Variants in TAP2 observed in about 807,000 individuals in gnomAD.
The protein encoded by TAP2 is antigen peptide transporter 2.
TAP2 carries 49 observed loss-of-function variants against 74.7 expected under a neutral mutation model. The ratio of observed to expected loss-of-function variants is 0.66; its 90% CI spans 0.52 to 0.83. The LOEUF (loss-of-function observed/expected upper bound fraction) is 0.83, where lower values mean the gene tolerates loss of function less well. TAP2 is among the 40% of genes least tolerant of loss of function. The probability of loss-of-function intolerance (pLI) is 0.00; values close to 1 mark genes in which losing one functional copy is unlikely to be tolerated. For synonymous variants in TAP2, 306 were observed against 368.4 expected, an observed-to-expected ratio of 0.83 and a Z score of 1.94; for missense variants, 739 against 859.0, an observed-to-expected ratio of 0.86 and a Z score of 1.75.
rs370591685 is a variant in TAP2, at chr6:32,832,776, C to T, written c.994G>A (p.Val332Met). ...QDAVARAGQV[V>M]REAVGGLQTV... ...TGCAGCCCTCCAACGGCTTCCCGCACCACCTGCCCCGCCCTGGCCACTGCA... is the reference window on the plus strand; with the variant it reads ...TGCAGCCCTCCAACGGCTTCCCGCATCACCTGCCCCGCCCTGGCCACTGCA... Residue 332 changes from valine (V) to methionine (M), a missense_variant, in exon 6 of 12, where the codon GTG becomes ATG. Physicochemically the swap from Val to Met is conservative, Grantham distance 21. Coordinates refer to ENST00000374897, the MANE Select transcript of TAP2 (RefSeq NM_001290043.2). The surrounding 1 kb of genome is among the most constrained non-coding windows in gnomAD (Gnocchi z 5.9). The T allele has an allele frequency of 1.2e-5, 20 of 1,612,946 alleles. No homozygotes were observed. The South Asian group carries it at 1.3e-4, about 11-fold the overall frequency.
At chr6:32,838,390 C>A (rs1769584929) in intron 1 of TAP2, 153 bp from the exon 2 acceptor site, 1 of 646,138 alleles carries the variant, frequency 1.5e-6, no homozygotes, top group African/African-American at 2.0e-5. Context: ...GGTGCTCATC[C>A]GTACACCCCT....
intron 3 of TAP2, among the ~76,000 whole-genome samples, chr6:32,836,580 C>T (rs182167789): frequency 6.6e-6 from 1 of 152,178 alleles, no homozygotes; most frequent in Non-Finnish European, 1.5e-5. Flanking sequence ...GCCTACTGCA[C>T]ACCTAGGCCA....
At chr6:32,823,218 C>A (rs1768418695), downstream of TAP2, among the ~76,000 whole-genome samples, 1 of 152,030 alleles carries the variant, frequency 6.6e-6, no homozygotes, top group Non-Finnish European at 1.5e-5. Context: ...CCAGGCCCAG[C>A]CTATTTTTTT....
chr6:32,836,901 G>A (rs1429337658), intron 3 of TAP2, among the ~76,000 whole-genome samples: 2 of 152,144 alleles, frequency 1.3e-5, no homozygotes, highest in African/African-American at 4.8e-5. Flanking sequence ...CAATCAGGCC[G>A]GCTGGGATTT....
chr6:32,833,200 C>T (rs1769203525), intron 5 of TAP2, among the ~76,000 whole-genome samples: 1 of 152,134 alleles, frequency 6.6e-6, no homozygotes, highest in Admixed American at 6.5e-5. Flanking sequence ...CACTATAAAA[C>T]TCCTAGGAAA....
chr6:32,828,675 G>GCC lies in TAP2; in HGVS notation c.*229_*230dup, dbSNP rs374665707. ...GAATTAAGTTTCCTGGACACAGACAGCCCCCACCCCACCCCACCCCACCTC... is the reference window on the plus strand; with the variant it reads ...GAATTAAGTTTCCTGGACACAGACAGCCCCCCCACCCCACCCCACCCCACCTC... On this transcript the variant is annotated 3_prime_UTR_variant, in exon 12 of 12. Transcript: ENST00000374897. The GCC allele has an allele frequency of 9.0e-6, 8 of 884,266 alleles. No homozygotes were observed. The highest frequency in any genetic ancestry group is 1.1e-5 in the Non-Finnish European group (8 of 735,226). 54.8% of individuals were successfully genotyped at this position (884,266 alleles called of 1,614,324 possible).
chr6:32,834,272 G>C (rs981738883), intron 5 of TAP2, among the ~76,000 whole-genome samples: 4 of 152,350 alleles, frequency 2.6e-5, no homozygotes, highest in Non-Finnish European at 5.9e-5. Context: ...ATCAAAATGT[G>C]ATATATGCAC....
In TAP2 at chr6:32,832,145, A is replaced by G; in HGVS notation, c.1272+188T>C. The G allele has an allele frequency of 1.3e-6, 1 of 769,262 alleles. No homozygotes were observed. The highest frequency in any genetic ancestry group is 3.8e-4 in the Middle Eastern group (1 of 2,642). The allele number at this position is 769,262 out of a possible 1,614,324, so 47.7% of individuals were successfully genotyped here. ...TGATCATTGTTAAAGCACAGGATGTATACATGTGAGTTTGTAATATTATTT... is the reference window on the plus strand; with the variant it reads ...TGATCATTGTTAAAGCACAGGATGTGTACATGTGAGTTTGTAATATTATTT... On this transcript the variant is annotated intron_variant, in intron 7 of 11. Transcript: ENST00000374897. This position sits in a 1 kb window ranked among gnomAD's most constrained non-coding sequence, Gnocchi z 5.9.
Position 32,838,109 on chromosome 6 carries a change from C to T in TAP2, c.125G>A (p.Gly42Glu). 1 of 1,611,556 alleles carries T rather than the reference C, an allele frequency of 6.2e-7. No homozygotes were observed. Among genetic ancestry groups the T allele is most frequent in the Non-Finnish European group, 8.5e-7 (1 of 1,179,366 alleles). ...PQGLPGLWLE[G>E]TLRLGGLWGL... ...CCACAGCCCTCCCAGCCGCAGGGTC[C>T]CCTCCAGCCATAGTCCTGGCAGCCC... Residue 42 changes from glycine to glutamate, a missense_variant, in exon 2 of 12, where the codon GGG becomes GAG. By Grantham distance (98) the Gly-to-Glu change is moderately conservative. Coordinates refer to ENST00000374897, the MANE Select transcript of TAP2 (RefSeq NM_001290043.2).
intron 5 of TAP2, among the ~76,000 whole-genome samples, chr6:32,834,017 T>C (rs1769256106): frequency 6.6e-6 from 1 of 152,260 alleles, no homozygotes; most frequent in African/African-American, 2.4e-5. Context: ...TAAACCTCTT[T>C]CTTTTGTAAA....
At position 32,837,991 on chromosome 6, in the gene TAP2, G is replaced by A; in HGVS notation, c.243C>T (p.Ala81=). ...GAGCACGTGAGGCCCCCGCGACCAG[G>A]GCTCTCAGGGAGACAGTCAGGGGGG... The part of the protein sequence containing the change: ...LATPLTVSLR[A]LVAGASRAPP... The change falls in exon 2 of 12, where the codon GCC becomes GCT. Residue 81 remains alanine, a synonymous_variant. Transcript: ENST00000374897. The A allele has an allele frequency of 6.2e-7, 1 of 1,612,576 alleles. No homozygotes were observed. Among genetic ancestry groups the A allele is most frequent in the South Asian group, 1.1e-5 (1 of 91,060 alleles).
Position 32,835,551 on chromosome 6 carries a change from C to T in TAP2, c.739+92G>A, listed in dbSNP as rs923288931. 2.5e-5 allele frequency: 40 copies of T among 1,572,176 alleles called. No homozygotes were observed. The highest frequency in any genetic ancestry group is 8.6e-5 in the Admixed American group (5 of 58,168). On this transcript the variant is annotated intron_variant, in intron 4 of 11. Transcript: ENST00000374897. The surrounding 1 kb of genome is among the most constrained non-coding windows in gnomAD (Gnocchi z 4.0). ...AAAAGCATCCCCAAGTCCTGGCATA[C>T]GGGTGAAGGCAGGAGGAGAGGCTGT... is the stretch of plus-strand genomic sequence containing the variant.
intron 3 of TAP2, among the ~76,000 whole-genome samples, chr6:32,837,258 T>G (rs1345615557): frequency 2.6e-5 from 4 of 152,150 alleles, no homozygotes; most frequent in Non-Finnish European, 5.9e-5. Flanking sequence ...GAGAGACAAC[T>G]GAGAGACATT....
At chr6:32,822,779 CT>C (rs1331911084), downstream of TAP2, among the ~76,000 whole-genome samples, 1 of 152,150 alleles carries the variant, frequency 6.6e-6, no homozygotes, top group African/African-American at 2.4e-5. Context: ...AATCCGACTG[CT>C]TAGGCCTCCC....
rs185609630 is a variant in TAP2, at chr6:32,826,680, A to G, written c.*2226T>C. On this transcript the variant is annotated 3_prime_UTR_variant, in exon 12 of 12. Coordinates refer to ENST00000374897, the MANE Select transcript of TAP2 (RefSeq NM_001290043.2). ...GCATCTTCCTGTACTGCCCATCAAG[A>G]TAAGTTTTCCACCCAGCTTTATCAT... The G allele has an allele frequency of 5.1e-6, 5 of 985,414 alleles. No individual in the cohort carries two copies. The highest frequency in any genetic ancestry group is 1.1e-4 in the East Asian group (1 of 8,818). The allele number at this position is 985,414 out of a possible 1,614,324, so 61.0% of individuals were successfully genotyped here.
rs1249634028 is a variant in TAP2 at position 32,826,071 on chromosome 6, C to T, written c.*2835G>A. 1.0e-6 allele frequency: 1 copy of T among 985,340 alleles called. No individual in the cohort carries two copies. The highest frequency in any genetic ancestry group is 1.2e-6 in the Non-Finnish European group (1 of 829,952). The allele number at this position is 985,340 out of a possible 1,614,324, so 61.0% of individuals were successfully genotyped here. A position where few individuals can be genotyped will look rare whatever the true frequency, so the allele number is the denominator to read the frequency against. ...TGGGACCATTAGATGGCATCAGACT[C>T]AAGCAGGTGCTCCTCTAGCTGACAG... On this transcript the variant is annotated 3_prime_UTR_variant, in exon 12 of 12. Coordinates refer to ENST00000374897, the MANE Select transcript of TAP2 (RefSeq NM_001290043.2).
chr6:32,828,607 C>G lies in TAP2; in HGVS notation c.*299G>C, dbSNP rs752968149. The G allele has an allele frequency of 7.3e-5, 80 of 1,096,774 alleles. No individual in the cohort carries two copies. The highest frequency in any genetic ancestry group is 8.6e-5 in the Non-Finnish European group (77 of 899,136). The allele number at this position is 1,096,774 out of a possible 1,614,324, so 67.9% of individuals were successfully genotyped here. A position where few individuals can be genotyped will look rare whatever the true frequency, so the allele number is the denominator to read the frequency against. ...ATATTTTAAAATATATGTATTATGCCACAAAATACTCCTCATCACCAGGCA... is the reference window on the plus strand; with the variant it reads ...ATATTTTAAAATATATGTATTATGCGACAAAATACTCCTCATCACCAGGCA... On this transcript the variant is annotated 3_prime_UTR_variant, in exon 12 of 12. Transcript: ENST00000374897.
rs1352543096 is a variant in TAP2, at chr6:32,832,387, C to T, written c.1218G>A (p.Gln406=). The T allele has an allele frequency of 2.5e-6, 4 of 1,613,038 alleles. No homozygotes were observed. Among genetic ancestry groups the T allele is most frequent in the Non-Finnish European group, 3.4e-6 (4 of 1,180,022 alleles). ...AGATCATAAAGGAAAGCAGGCTGCC[C>T]TGGGTGAGCTCCCCATCCTGCATCT... is the stretch of plus-strand genomic sequence containing the variant. ...LQQMQDGELT[Q]GSLLSFMIYQ... Residue 406 remains glutamine, a synonymous_variant, in exon 7 of 12, where the codon CAG becomes CAA. Coordinates refer to ENST00000374897, the MANE Select transcript of TAP2 (RefSeq NM_001290043.2). The surrounding 1 kb of genome is among the most constrained non-coding windows in gnomAD (Gnocchi z 5.9).
intron 9 of TAP2, 24 bp from the exon 10 acceptor site, chr6:32,830,113 A>AG: frequency 6.2e-7 from 1 of 1,612,950 alleles, no homozygotes; most frequent in Non-Finnish European, 8.5e-7. Flanking sequence ...ACAGGGGCAG[A>AG]GGACTATGTG....
Sources: allele counts gnomAD v4.1 joint callset (sites outside exome capture counted in the v4.1 genomes callset), GRCh38; gene constraint gnomAD v4.1.1; non-coding constraint Gnocchi (gnomAD v3.1); transcripts MANE v1.5; gene names NCBI Gene and HGNC (gene_info 2026-07-23, HGNC 2026-07-21).